Variants in SLIT3 observed in about 807,000 individuals in gnomAD.
The protein encoded by SLIT3 is slit guidance ligand 3.
Under a neutral mutation model 184.0 loss-of-function variants are expected in SLIT3, and 68 were observed. The observed-to-expected ratio is 0.37, with a 90% CI of 0.30 to 0.45. SLIT3 has a LOEUF of 0.45. SLIT3 is among the 20% of genes least tolerant of loss of function. The pLI is 1.00. For missense variants in SLIT3, 1,707 were observed against 2,026.0 expected, an observed-to-expected ratio of 0.84 and a Z score of 3.02; for synonymous variants, 831 against 828.6, an observed-to-expected ratio of 1.00 and a Z score of -0.05.
chr5:169,022,439 G>T (rs78009128), intron 4 of SLIT3, among the ~76,000 whole-genome samples: 3,371 of 152,310 alleles, frequency 0.022, 127 homozygotes, highest in African/African-American at 0.076. Context: ...ATTTGCAAGT[G>T]CCTGCTATTT....
chr5:169,109,484 C>T (rs1265223243), intron 4 of SLIT3, among the ~76,000 whole-genome samples: 1 of 152,194 alleles, frequency 6.6e-6, no homozygotes, highest in Non-Finnish European at 1.5e-5. Flanking sequence ...GCAGAAGATC[C>T]AACTACACTG....
intron 5 of SLIT3, among the ~76,000 whole-genome samples, chr5:168,851,054 C>T (rs1034606499): frequency 1.3e-5 from 2 of 152,208 alleles, no homozygotes; most frequent in East Asian, 1.9e-4. Context: ...CCAGGTGCAG[C>T]GGTTCACGCC....
At chr5:169,277,147 C>T in intron 1 of SLIT3, among the ~76,000 whole-genome samples, 1 of 151,310 alleles carries the variant, frequency 6.6e-6, no homozygotes, top group Admixed American at 6.5e-5. Flanking sequence ...ATATGCTGGA[C>T]ACTTCATGTA....
At chr5:168,699,742 A>G (rs1360823537) in intron 27 of SLIT3, among the ~76,000 whole-genome samples, 1 of 152,220 alleles carries the variant, frequency 6.6e-6, no homozygotes, top group African/African-American at 2.4e-5. Flanking sequence ...CATCTGTTCA[A>G]TGAAGATAAT....
chr5:169,281,875 T>TC (rs5873169), intron 1 of SLIT3, among the ~76,000 whole-genome samples: 104,254 of 152,012 alleles, frequency 0.69, 35,844 homozygotes, highest in South Asian at 0.79. Flanking sequence ...GAGGTAATTT[T>TC]CCCCCCCAGG....
At chr5:168,841,049 TGTGAGTCATTGCTA>T (rs1407988910) in intron 6 of SLIT3, among the ~76,000 whole-genome samples, 2 of 152,220 alleles carry the variant, frequency 1.3e-5, no homozygotes, top group African/African-American at 4.8e-5. Flanking sequence ...CCAGCGGGAT[TGTGAGTCATTGCTA>T]GTTTGCCTCC....
chr5:168,778,626 T>A (rs919818484), intron 12 of SLIT3, among the ~76,000 whole-genome samples: 1 of 152,210 alleles, frequency 6.6e-6, no homozygotes, highest in Non-Finnish European at 1.5e-5. Context: ...GAGGCAAGGC[T>A]TCCCCCTTCA....
At chr5:168,981,424 A>G (rs1754943544) in intron 4 of SLIT3, among the ~76,000 whole-genome samples, 1 of 152,186 alleles carries the variant, frequency 6.6e-6, no homozygotes, top group South Asian at 2.1e-4. Flanking sequence ...CTGAGGCAGG[A>G]GGATCACTCC....
intron 1 of SLIT3, among the ~76,000 whole-genome samples, chr5:169,299,634 T>C (rs1767619449): frequency 6.6e-6 from 1 of 152,094 alleles, no homozygotes; most frequent in African/African-American, 2.4e-5. Context: ...AGTCCAAGTT[T>C]TGAATCTGGT....
chr5:168,924,237 G>T lies in SLIT3; in HGVS notation c.414-40901C>A, dbSNP rs775311305. On this transcript the variant is annotated intron_variant, in intron 4 of 35. Transcript: ENST00000519560. Reference sequence around the variant, plus strand: ...ACATGGAGCTAAGTGGTCATGTGTCGGCCTGGACTGGACCATGTGTTTCTG... The same window carrying T: ...ACATGGAGCTAAGTGGTCATGTGTCTGCCTGGACTGGACCATGTGTTTCTG... Among the ~76,000 whole-genome samples, 3 of 152,106 alleles carry T rather than the reference G, an allele frequency of 2.0e-5. No individual in the cohort carries two copies. In the East Asian group the frequency reaches 5.8e-4, roughly 29 times the overall value.
At position 169,272,856 on chromosome 5, in the gene SLIT3, G is replaced by A. The variant is rs146243450; in HGVS notation, c.198-21397C>T. 3.3e-3 allele frequency among the ~76,000 whole-genome samples: 499 copies of A among 152,258 alleles called. 2 individuals are homozygous for A. Among genetic ancestry groups the A allele is most frequent in the Non-Finnish European group, 3.5e-3 (239 of 68,014 alleles). On this transcript the variant is annotated intron_variant, in intron 1 of 35. Coordinates refer to ENST00000519560, the MANE Select transcript of SLIT3 (RefSeq NM_003062.4). ...CGGGACCTGGGCTGAGTGCACACGC[G>A]CAAGCACCAGCCCTTTCCCCTTTCT...
chr5:168,786,588 G>A (rs889352106), intron 11 of SLIT3, among the ~76,000 whole-genome samples: 1 of 151,878 alleles, frequency 6.6e-6, no homozygotes, highest in African/African-American at 2.4e-5. Flanking sequence ...CCTATTCTTT[G>A]AGTTCCAGGA....
intron 4 of SLIT3, among the ~76,000 whole-genome samples, chr5:168,963,459 A>C (rs1166693191): frequency 6.6e-6 from 1 of 152,238 alleles, no homozygotes; most frequent in East Asian, 1.9e-4. Flanking sequence ...GGCATGAGGC[A>C]CTGTGCCTAA....
chr5:168,927,216 A>G (rs1022987810), intron 4 of SLIT3, among the ~76,000 whole-genome samples: 2 of 152,230 alleles, frequency 1.3e-5, no homozygotes, highest in Admixed American at 1.3e-4. Flanking sequence ...GACCCATGCT[A>G]AAACATGGGT....
chr5:169,089,301 A>T (rs1021010863), intron 4 of SLIT3, among the ~76,000 whole-genome samples: 11 of 152,116 alleles, frequency 7.2e-5, no homozygotes, highest in Non-Finnish European at 1.5e-4. Context: ...GGAAACTTCT[A>T]GAAACCTCTT....
intron 4 of SLIT3, among the ~76,000 whole-genome samples, chr5:168,980,899 T>A (rs1400489814): frequency 1.3e-5 from 2 of 152,112 alleles, no homozygotes; most frequent in Non-Finnish European, 2.9e-5. Flanking sequence ...GTGAAAAAAA[T>A]TTGAATATGT....
chr5:168,786,311 A>G (rs1462713635), intron 11 of SLIT3, among the ~76,000 whole-genome samples: 18 of 152,154 alleles, frequency 1.2e-4, no homozygotes, highest in Non-Finnish European at 2.9e-5. Context: ...CCAGCAATAA[A>G]TACACTGTGT....
At chr5:169,185,672 A>G (rs297883) in intron 4 of SLIT3, among the ~76,000 whole-genome samples, 88,984 of 152,062 alleles carry the variant, frequency 0.59, 28,020 homozygotes, top group East Asian at 0.86. Context: ...GACTAAGGTG[A>G]CTGCAAAGGG....
intron 4 of SLIT3, among the ~76,000 whole-genome samples, chr5:168,942,045 G>A (rs1743533336): frequency 6.6e-6 from 1 of 152,124 alleles, no homozygotes; most frequent in Admixed American, 6.5e-5. Context: ...GAGGAGTGGG[G>A]CCAGGCTAGT....
Sources: allele counts gnomAD v4.1 joint callset (sites outside exome capture counted in the v4.1 genomes callset), GRCh38; gene constraint gnomAD v4.1.1; transcripts MANE v1.5; gene names NCBI Gene and HGNC (gene_info 2026-07-23, HGNC 2026-07-21).